Variants in C11orf52 observed in about 807,000 individuals in gnomAD.
C11orf52 encodes chromosome 11 open reading frame 52.
In C11orf52, 9 loss-of-function variants were observed where a neutral mutation model predicts 11.7. The ratio of observed to expected loss-of-function variants is 0.77; its 90% CI spans 0.46 to 1.34. The LOEUF (loss-of-function observed/expected upper bound fraction) is 1.34. Ranked by LOEUF, C11orf52 falls within the 40% of genes most tolerant of loss-of-function variation. C11orf52 has a pLI of 0.00. For missense variants in C11orf52, 139 were observed against 154.8 expected, an observed-to-expected ratio of 0.90 and a Z score of 0.54; for synonymous variants, 49 against 57.4, an observed-to-expected ratio of 0.85 and a Z score of 0.66.
intron 1 of C11orf52, chr11:111,919,222 C>G (rs1965647382): frequency 1.7e-6 from 1 of 581,834 alleles, no homozygotes; most frequent in Admixed American, 3.0e-5. Context: ...CGCCTCTACT[C>G]CCAGCACTTT....
chr11:111,919,427 C>A (rs750347573), intron 1 of C11orf52, among the ~76,000 whole-genome samples: 1 of 151,984 alleles, frequency 6.6e-6, no homozygotes, highest in Non-Finnish European at 1.5e-5. Flanking sequence ...GAGCCGAGAT[C>A]GCGCCACTGC....
In C11orf52 at chr11:111,926,334, T is replaced by C; in HGVS notation, c.*135T>C. 1.5e-6 allele frequency: 2 copies of C among 1,363,242 alleles called. No homozygotes were observed. The highest frequency in any genetic ancestry group is 2.0e-6 in the Non-Finnish European group (2 of 1,008,638). The allele number at this position is 1,363,242 out of a possible 1,614,324, so 84.4% of individuals were successfully genotyped here. Reference sequence around the variant, plus strand: ...TTAAAGAACTCCAAAGCCCCTGGAATTGTGGGCGTCCCATTTTCTCCCCTG... The same window carrying C: ...TTAAAGAACTCCAAAGCCCCTGGAACTGTGGGCGTCCCATTTTCTCCCCTG... On this transcript the variant is annotated 3_prime_UTR_variant, in exon 4 of 4. Transcript: ENST00000278601.
chr11:111,926,467 G>C lies in C11orf52; in HGVS notation c.*268G>C. ...GTTAGGTGGAGTGTGCAGGGAGGTA[G>C]GTCTTCGACCCCACCATTGTTGCTC... On this transcript the variant is annotated 3_prime_UTR_variant, in exon 4 of 4. Coordinates refer to ENST00000278601, the MANE Select transcript of C11orf52 (RefSeq NM_080659.3). The C allele has an allele frequency of 1.9e-6, 1 of 518,168 alleles. No individual in the cohort carries two copies. The highest frequency in any genetic ancestry group is 2.4e-5 in the South Asian group (1 of 42,070). 32.1% of individuals were successfully genotyped at this position (518,168 alleles called of 1,614,324 possible).
At chr11:111,924,794 T>C (rs587685106) in intron 2 of C11orf52, among the ~76,000 whole-genome samples, 20 of 152,212 alleles carry the variant, frequency 1.3e-4, no homozygotes, top group South Asian at 1.0e-3. Context: ...TGTGGGAGAA[T>C]TGAGAGAAGA....
At chr11:111,924,138 T>C (rs1965747441) in intron 1 of C11orf52, 188 bp from the exon 2 acceptor site, 4 of 593,846 alleles carry the variant, frequency 6.7e-6, no homozygotes, top group Non-Finnish European at 9.0e-6. Flanking sequence ...TCCAGAACCA[T>C]CCATGTGGGA....
At chr11:111,921,902 G>A (rs1359532806) in intron 1 of C11orf52, among the ~76,000 whole-genome samples, 1 of 151,330 alleles carries the variant, frequency 6.6e-6, no homozygotes, top group African/African-American at 2.4e-5. Context: ...GCACAATCTT[G>A]GCTCGCTGCA....
intron 2 of C11orf52, 72 bp from the exon 3 acceptor site, chr11:111,925,581 T>G: frequency 6.9e-7 from 1 of 1,451,970 alleles, no homozygotes; most frequent in Non-Finnish European, 9.6e-7. Flanking sequence ...AGTTTAATAG[T>G]GATTTGAAGA....
At chr11:111,922,452 A>T (rs797041778) in intron 1 of C11orf52, among the ~76,000 whole-genome samples, 1 of 152,308 alleles carries the variant, frequency 6.6e-6, no homozygotes, top group East Asian at 1.9e-4. Flanking sequence ...CATTGCAGAA[A>T]ATTTAACTTC....
Position 111,926,311 on chromosome 11 carries a change from A to G in C11orf52, c.*112A>G. On this transcript the variant is annotated 3_prime_UTR_variant, in exon 4 of 4. Transcript: ENST00000278601. ...GGGATGTTGTCCACGTTTTAAGCTT[A>G]AAGAACTCCAAAGCCCCTGGAATTG... 2 of 1,470,236 alleles carry G rather than the reference A, an allele frequency of 1.4e-6. No individual in the cohort carries two copies. The highest frequency in any genetic ancestry group is 9.2e-7 in the Non-Finnish European group (1 of 1,089,332). 91.1% of individuals were successfully genotyped at this position (1,470,236 alleles called of 1,614,324 possible). A position where few individuals can be genotyped will look rare whatever the true frequency, so the allele number is the denominator to read the frequency against.
chr11:111,926,245 G>A lies in C11orf52; in HGVS notation c.*46G>A, dbSNP rs11214045. 8 of 1,602,282 alleles carry A rather than the reference G, an allele frequency of 5.0e-6. No individual in the cohort carries two copies. The highest frequency in any genetic ancestry group is 1.1e-5 in the South Asian group (1 of 90,632). On this transcript the variant is annotated 3_prime_UTR_variant, in exon 4 of 4. Coordinates refer to ENST00000278601, the MANE Select transcript of C11orf52 (RefSeq NM_080659.3). ...GTCCATCGTTAACCACTACACCTGT[G>A]GGGGAGAACCTACTGCTTTGGGGAA...
Position 111,926,178 on chromosome 11 carries a change from C to T in C11orf52, c.351C>T (p.Ser117=), listed in dbSNP as rs1555166975. ...CCCAGGCCACACCTCGCTATGACAGCAAGAACGGGACCCTGGTGTGAGCGC... is the reference window on the plus strand; with the variant it reads ...CCCAGGCCACACCTCGCTATGACAGTAAGAACGGGACCCTGGTGTGAGCGC... ...RFPQATPRYD[S]KNGTLV The change falls in exon 4 of 4, where the codon AGC becomes AGT. Residue 117 remains serine (S), a synonymous_variant. Coordinates refer to ENST00000278601, the MANE Select transcript of C11orf52 (RefSeq NM_080659.3). The T allele has an allele frequency of 6.2e-7, 1 of 1,614,222 alleles. No homozygotes were observed. The highest frequency in any genetic ancestry group is 8.5e-7 in the Non-Finnish European group (1 of 1,180,052).
In C11orf52 at chr11:111,926,096, G is replaced by GGGAAGTGA. The variant is rs1965801144; in HGVS notation, c.270_277dup (p.Lys93ArgfsTer3). The GGGAAGTGA allele has an allele frequency of 1.9e-6, 3 of 1,614,124 alleles. No individual in the cohort carries two copies. Among genetic ancestry groups the GGGAAGTGA allele is most frequent in the Admixed American group, 1.7e-5 (1 of 60,014 alleles). ...CAAGTGTGCAGCCGTCCCCATGCCC[G>GGGAAGTGA]GGAAGTGAAACACGTGCATTTAGAA... On this transcript the variant is annotated frameshift_variant, in exon 4 of 4. Transcript: ENST00000278601. LOFTEE classifies it high-confidence loss of function.
chr11:111,925,000 T>G (rs1246869901), intron 2 of C11orf52, among the ~76,000 whole-genome samples: 1 of 152,154 alleles, frequency 6.6e-6, no homozygotes, highest in Non-Finnish European at 1.5e-5. Flanking sequence ...GGTATGCGCC[T>G]GTAGTACCAG....
chr11:111,921,574 T>C (rs1387049210), intron 1 of C11orf52, among the ~76,000 whole-genome samples: 3 of 152,178 alleles, frequency 2.0e-5, no homozygotes, highest in Non-Finnish European at 4.4e-5. Context: ...CTTTAAACTC[T>C]GAGGTGCCCT....
intron 2 of C11orf52, 21 bp downstream of exon 2, chr11:111,924,384 G>C: frequency 6.2e-7 from 1 of 1,602,748 alleles, no homozygotes; most frequent in Non-Finnish European, 8.5e-7. Flanking sequence ...GGCTGGGGGA[G>C]GGAATCTGGG....
Position 111,921,486 on chromosome 11 carries a change from C to T in C11orf52, c.32+2482C>T, listed in dbSNP as rs138899353. 2.1e-3 allele frequency among the ~76,000 whole-genome samples: 322 copies of T among 152,270 alleles called. 2 individuals carry two copies. Among genetic ancestry groups the T allele is most frequent in the African/African-American group, 6.4e-3 (268 of 41,556 alleles). The stretch of plus-strand genomic sequence containing the variant: ...CTCTTTATTAAGTTAGTAAAAAAGG[C>T]CCTTCATTAACCCGTCTGTAAAATG... On this transcript the variant is annotated intron_variant, in intron 1 of 3. Coordinates refer to ENST00000278601, the MANE Select transcript of C11orf52 (RefSeq NM_080659.3).
chr11:111,921,320 C>G (rs1555166549), intron 1 of C11orf52, among the ~76,000 whole-genome samples: 2 of 152,168 alleles, frequency 1.3e-5, no homozygotes, highest in African/African-American at 4.8e-5. Flanking sequence ...GACATTTGGT[C>G]CCTGCCTTGT....
chr11:111,925,989 ACGGGTGTTACAGCAG>A lies in C11orf52; in HGVS notation c.164_178del (p.Arg55_Gln59del). 3 of 1,614,250 alleles carry A rather than the reference ACGGGTGTTACAGCAG, an allele frequency of 1.9e-6. No individual in the cohort carries two copies. The highest frequency in any genetic ancestry group is 2.5e-6 in the Non-Finnish European group (3 of 1,180,040). ...ATGAAACAACAGGACATACGTATGA[ACGGGTGTTACAGCAG>A]CAAGGGTCTCAAGAGAGGAGTCCAG... On this transcript the variant is annotated inframe_deletion, in exon 4 of 4. Coordinates refer to ENST00000278601, the MANE Select transcript of C11orf52 (RefSeq NM_080659.3).
At chr11:111,924,423 T>C (rs1965752935) in intron 2 of C11orf52, 60 bp downstream of exon 2, 1 of 1,450,672 alleles carries the variant, frequency 6.9e-7, no homozygotes, top group Non-Finnish European at 9.6e-7. Context: ...ACAATAGAAC[T>C]CCAATCTTTG....
Sources: gnomAD v4.1 joint callset for allele counts (sites outside exome capture counted in the v4.1 genomes callset) on GRCh38, gnomAD v4.1.1 for gene constraint, MANE v1.5 for transcripts, NCBI Gene and HGNC (gene_info 2026-07-23, HGNC 2026-07-21) for gene names.